The following UNC13B variants were observed in gnomAD, a reference collection of about 807,000 sequenced individuals.
UNC13B encodes protein unc-13 homolog B.
UNC13B carries 144 observed loss-of-function variants against 211.0 expected under a neutral mutation model. The ratio of observed to expected loss-of-function variants is 0.68; its 90% CI spans 0.60 to 0.78. UNC13B has a LOEUF of 0.78. Ranked by LOEUF, UNC13B falls within the 30% of genes least tolerant of loss-of-function variation. The probability of loss-of-function intolerance (pLI) is 0.00; values close to 1 mark genes in which losing one functional copy is unlikely to be tolerated. For synonymous variants in UNC13B, 709 were observed against 725.8 expected (o/e 0.98, Z 0.37); for missense variants, 1,777 against 2,002.0 (o/e 0.89, Z 2.14).
chr9:35,357,422 G>T (rs1564161791), intron 11 of UNC13B, among the ~76,000 whole-genome samples: 3 of 150,970 alleles, frequency 2.0e-5, no homozygotes, highest in African/African-American at 4.9e-5. Context: ...TTAAATTGAG[G>T]TTTTTTTTCG....
intron 8 of UNC13B, among the ~76,000 whole-genome samples, chr9:35,298,641 T>G (rs997807664): frequency 1.3e-5 from 2 of 152,180 alleles, no homozygotes; most frequent in Non-Finnish European, 2.9e-5. Flanking sequence ...TTTTAGTGAC[T>G]AAGTGTCTGC....
chr9:35,383,920 T>G (rs1216649664), intron 21 of UNC13B, among the ~76,000 whole-genome samples: 1 of 152,134 alleles, frequency 6.6e-6, no homozygotes. Flanking sequence ...TAAGTTACAG[T>G]CCCAAAGGTA....
At chr9:35,388,335 G>C (rs1235253431) in intron 24 of UNC13B, among the ~76,000 whole-genome samples, 3 of 152,140 alleles carry the variant, frequency 2.0e-5, no homozygotes, top group African/African-American at 7.2e-5. Context: ...TTGAACCCAG[G>C]AGGCAGAGGT....
Position 35,248,394 on chromosome 9 carries a change from C to G in UNC13B, c.468+5030C>G, listed in dbSNP as rs530425265. Reference sequence around the variant, plus strand: ...GTTCTTAGTTATTTCTTGCCTTCTGCTAGCTTTTGAATGTGTTTGCTCTTG... The same window carrying G: ...GTTCTTAGTTATTTCTTGCCTTCTGGTAGCTTTTGAATGTGTTTGCTCTTG... On this transcript the variant is annotated intron_variant, in intron 6 of 39. Transcript: ENST00000635942. 5.2e-4 allele frequency among the ~76,000 whole-genome samples: 79 copies of G among 152,254 alleles called. 1 individual carries two copies. Among genetic ancestry groups the G allele is most frequent in the South Asian group, 4.3e-3 (21 of 4,832 alleles).
chr9:35,393,772 A>T (rs140815987), intron 26 of UNC13B, among the ~76,000 whole-genome samples: 20 of 151,924 alleles, frequency 1.3e-4, no homozygotes, highest in South Asian at 6.3e-4. Context: ...GGGTTTCACC[A>T]TGTTGGCCAG....
chr9:35,323,259 CTAT>C (rs1244166376), intron 11 of UNC13B, among the ~76,000 whole-genome samples: 1 of 152,034 alleles, frequency 6.6e-6, no homozygotes, highest in Non-Finnish European at 1.5e-5. Flanking sequence ...AGTTCATACT[CTAT>C]TAACAGCTGC....
At chr9:35,186,854 C>T (rs574577977) in intron 1 of UNC13B, among the ~76,000 whole-genome samples, 17 of 152,030 alleles carry the variant, frequency 1.1e-4, no homozygotes, top group African/African-American at 2.4e-4. Flanking sequence ...AAAGGAACAC[C>T]GCGCCCGGCC....
At chr9:35,257,352 T>C (rs1157384956) in intron 6 of UNC13B, among the ~76,000 whole-genome samples, 1 of 17,360 alleles carries the variant, frequency 5.8e-5, no homozygotes, top group Non-Finnish European at 9.6e-5. Context: ...TTTATAAAAA[T>C]ATTTATATAA....
In UNC13B at chr9:35,292,936, C is replaced by T. The variant is rs551425053; in HGVS notation, c.527-2760C>T. On this transcript the variant is annotated intron_variant, in intron 7 of 39. Transcript: ENST00000635942. ...ATAGATTATGGAGGCAGTAAGAGAT[C>T]GTCAGTGACACATTAAAAACACAGT... 1.1e-4 allele frequency among the ~76,000 whole-genome samples: 17 copies of T among 152,306 alleles called. No homozygotes were observed. The South Asian group carries it at 2.9e-3, about 26-fold the overall frequency.
At chr9:35,363,208 A>G (rs1248408293) in intron 11 of UNC13B, among the ~76,000 whole-genome samples, 1 of 152,182 alleles carries the variant, frequency 6.6e-6, no homozygotes, top group African/African-American at 2.4e-5. Flanking sequence ...GGCTCTGTCA[A>G]TGGATTGATT....
Position 35,232,261 on chromosome 9 carries a change from G to A in UNC13B, c.152+1042G>A, listed in dbSNP as rs575957963. 3.7e-5 allele frequency among the ~76,000 whole-genome samples: 5 copies of A among 136,034 alleles called. No individual in the cohort carries two copies. In the Admixed American group the frequency reaches 4.0e-4, roughly 11 times the overall value. The allele number at this position is 136,034 out of a possible 152,430, so 89.2% of individuals were successfully genotyped here. On this transcript the variant is annotated intron_variant, in intron 3 of 39. Transcript: ENST00000635942. ...GGTGGTATGATCATAGTTTACTGCAGCCTCTAACTCCTGGGCTTGAGCGAT... is the reference window on the plus strand; with the variant it reads ...GGTGGTATGATCATAGTTTACTGCAACCTCTAACTCCTGGGCTTGAGCGAT...
chr9:35,284,994 T>TA (rs947145923), intron 7 of UNC13B, among the ~76,000 whole-genome samples: 10 of 152,246 alleles, frequency 6.6e-5, no homozygotes, highest in Non-Finnish European at 1.5e-4. Flanking sequence ...TCTGATTTCT[T>TA]ACATTTTCCA....
intron 11 of UNC13B, among the ~76,000 whole-genome samples, chr9:35,354,375 C>T (rs1185468220): frequency 1.3e-5 from 2 of 152,158 alleles, no homozygotes; most frequent in Non-Finnish European, 2.9e-5. Context: ...CTGTCTCTTC[C>T]TAGTACCTGA....
intron 25 of UNC13B, among the ~76,000 whole-genome samples, chr9:35,390,267 C>T (rs996622294): frequency 1.3e-5 from 2 of 152,220 alleles, no homozygotes; most frequent in African/African-American, 2.4e-5. Flanking sequence ...TGTGTCTGTC[C>T]ACTGTGAATG....
chr9:35,343,413 G>A (rs1036324253), intron 11 of UNC13B, among the ~76,000 whole-genome samples: 2 of 152,198 alleles, frequency 1.3e-5, no homozygotes, highest in African/African-American at 2.4e-5. Context: ...ATGTGAAGGG[G>A]AAGCATCTAT....
chr9:35,399,449 G>A lies in UNC13B; in HGVS notation c.12255+1G>A, dbSNP rs780641411. ...GCTGAGCCATCTTTCCAAACTCAAG[G>A]TACTCTGGGTGTGGGGTCCTCCTGG... is the stretch of plus-strand genomic sequence containing the variant. On this transcript the variant is annotated splice_donor_variant, in intron 35 of 39. Transcript: ENST00000635942. LOFTEE classifies it high-confidence loss of function. The A allele has an allele frequency of 6.2e-7, 1 of 1,613,990 alleles. No homozygotes were observed. Among genetic ancestry groups the A allele is most frequent in the Non-Finnish European group, 8.5e-7 (1 of 1,180,040 alleles).
chr9:35,324,130 C>T (rs1344626639), intron 11 of UNC13B, among the ~76,000 whole-genome samples: 1 of 152,112 alleles, frequency 6.6e-6, no homozygotes, highest in Admixed American at 6.6e-5. Flanking sequence ...CAGGATCACC[C>T]AGCTAGTAAG....
At chr9:35,284,780 A>G (rs1828699015) in intron 7 of UNC13B, among the ~76,000 whole-genome samples, 1 of 152,204 alleles carries the variant, frequency 6.6e-6, no homozygotes, top group South Asian at 2.1e-4. Context: ...ATACCTGGTA[A>G]TTACTACAAT....
intron 3 of UNC13B, among the ~76,000 whole-genome samples, chr9:35,232,421 A>G (rs757060168): frequency 6.6e-6 from 1 of 151,562 alleles, no homozygotes. Flanking sequence ...GGCTCAAGCA[A>G]TCTTCCCGCC....
Sources: gnomAD v4.1 joint callset for allele counts (sites outside exome capture counted in the v4.1 genomes callset) on GRCh38, gnomAD v4.1.1 for gene constraint, MANE v1.5 for transcripts, NCBI Gene and HGNC (gene_info 2026-07-23, HGNC 2026-07-21) for gene names.